MICAL3: variants seen among roughly 807,000 people sequenced by gnomAD.
The protein encoded by MICAL3 is microtubule associated monooxygenase, calponin and LIM domain containing 3.
In MICAL3, 62 loss-of-function variants were observed where a neutral mutation model predicts 207.4. The ratio of observed to expected loss-of-function variants is 0.30; its 90% CI spans 0.24 to 0.37. MICAL3 has a LOEUF of 0.37. MICAL3 is among the 10% of genes least tolerant of loss of function. The pLI is 1.00. For synonymous variants in MICAL3, 1,077 were observed against 1,069.3 expected (o/e 1.01, Z -0.14); for missense variants, 2,368 against 2,635.6 (o/e 0.90, Z 2.22).
At chr22:17,877,468 TGGAGGTTAG>T (rs1232074076) in intron 16 of MICAL3, among the ~76,000 whole-genome samples, 1 of 85,986 alleles carries the variant, frequency 1.2e-5, no homozygotes, top group Non-Finnish European at 2.3e-5. Flanking sequence ...AGGGAGATTA[TGGAGGTTAG>T]GGAGGTTATG....
rs935559613 is a variant in MICAL3, at chr22:17,903,991, C to T, written c.472+641G>A. Among the ~76,000 whole-genome samples, 5 of 152,254 alleles carry T rather than the reference C, an allele frequency of 3.3e-5. No homozygotes were observed. The East Asian group carries it at 9.6e-4, about 29-fold the overall frequency. The stretch of plus-strand genomic sequence containing the variant: ...AGTCAAACACCGCTGATTGCATTAA[C>T]TTGTATTCATACCCTGTAGGATCTC... On this transcript the variant is annotated intron_variant, in intron 3 of 31. Coordinates refer to ENST00000441493, the MANE Select transcript of MICAL3 (RefSeq NM_015241.3).
At chr22:17,980,419 T>C (rs942291199) in intron 1 of MICAL3, among the ~76,000 whole-genome samples, 14 of 152,174 alleles carry the variant, frequency 9.2e-5, no homozygotes, top group Non-Finnish European at 2.1e-4. Context: ...TTTGTTCAAA[T>C]CCGCCTGCTA....
At chr22:17,911,675 C>CA (rs1932153180) in intron 1 of MICAL3, among the ~76,000 whole-genome samples, 1 of 151,750 alleles carries the variant, frequency 6.6e-6, no homozygotes, top group East Asian at 1.9e-4. Context: ...TCTTCAAAAA[C>CA]AAAAAAATTA....
At position 17,872,307 on chromosome 22, in the gene MICAL3, C is replaced by T. The variant is rs535156818; in HGVS notation, c.2242-284G>A. 1.2e-4 allele frequency among the ~76,000 whole-genome samples: 18 copies of T among 152,280 alleles called. No homozygotes were observed. The South Asian group carries it at 3.7e-3, about 32-fold the overall frequency. ...GGAGCCAGCATCACAGTGCTTCACA[C>T]CAGACTTGAGTAATGCTATGATACA... is the stretch of plus-strand genomic sequence containing the variant. On this transcript the variant is annotated intron_variant, in intron 16 of 31. Transcript: ENST00000441493.
chr22:17,890,290 C>T (rs1351856831), intron 12 of MICAL3, among the ~76,000 whole-genome samples: 1 of 152,078 alleles, frequency 6.6e-6, no homozygotes, highest in East Asian at 1.9e-4. Flanking sequence ...CCGCGCTGTC[C>T]CTGTGCTGCT....
chr22:18,020,782 T>C (rs865861393), intron 1 of MICAL3, among the ~76,000 whole-genome samples: 18 of 151,440 alleles, frequency 1.2e-4, no homozygotes, highest in Non-Finnish European at 2.2e-4. Flanking sequence ...GGTATGGTGG[T>C]GGGCACCTGT....
intron 26 of MICAL3, 138 bp downstream of exon 26, chr22:17,817,173 T>G: frequency 9.1e-7 from 1 of 1,093,748 alleles, no homozygotes. Context: ...CATGGTTCAG[T>G]CCCTTCTCCA....
chr22:17,864,773 G>A, intron 19 of MICAL3, 126 bp downstream of exon 19: 2 of 1,613,940 alleles, frequency 1.2e-6, no homozygotes, highest in Non-Finnish European at 1.7e-6. Context: ...GAGTCCAGAG[G>A]GTTTTGGGCC....
intron 25 of MICAL3, among the ~76,000 whole-genome samples, chr22:17,820,521 AT>A (rs1569079650): frequency 6.6e-6 from 1 of 152,034 alleles, no homozygotes; most frequent in Admixed American, 6.6e-5. Context: ...CGCCCGGCTA[AT>A]TTTTTGTATT....
chr22:17,871,838 A>G lies in MICAL3; in HGVS notation c.2427T>C (p.Asp809=). ...GGCCGGAGGCGCAGGGTGTCTCACC[A>G]TCCTCGATGTCGTAGGCGTAGGCCG... The part of the protein sequence containing the change: ...RLSAYAYDIE[D]GKFYCKPHYC... Residue 809 remains aspartate (D), a splice_region_variant and synonymous_variant, in exon 17 of 32, where the codon GAT becomes GAC. Transcript: ENST00000441493. The G allele has an allele frequency of 1.2e-6, 2 of 1,602,398 alleles. No individual in the cohort carries two copies. The highest frequency in any genetic ancestry group is 1.7e-6 in the Non-Finnish European group (2 of 1,174,412).
At chr22:17,893,724 G>C (rs369279875) in intron 11 of MICAL3, 84 bp downstream of exon 11, 1 of 1,032,950 alleles carries the variant, frequency 9.7e-7, no homozygotes, top group Non-Finnish European at 1.5e-6. Flanking sequence ...CACTGCCTCG[G>C]ACCGCACCTT....
At position 17,819,105 on chromosome 22, in the gene MICAL3, C is replaced by A. The variant is rs1453480645; in HGVS notation, c.3556G>T (p.Ala1186Ser). ...TEGPQLPPVPAATQEKSPEER... is the reference protein window; with the variant it reads ...TEGPQLPPVPSATQEKSPEER... ...TCAGGTGATTTCTCCTGGGTGGCGGCAGGGACAGGTGGGAGTTGGGGCCCC... is the reference window on the plus strand; with the variant it reads ...TCAGGTGATTTCTCCTGGGTGGCGGAAGGGACAGGTGGGAGTTGGGGCCCC... The change falls in exon 26 of 32, where the codon GCC (alanine) becomes TCC (serine). Residue 1186 changes from alanine to serine, a missense_variant. Coordinates refer to ENST00000441493, the MANE Select transcript of MICAL3 (RefSeq NM_015241.3). 1 of 1,498,804 alleles carries A rather than the reference C, an allele frequency of 6.7e-7. No homozygotes were observed. Among genetic ancestry groups the A allele is most frequent in the Admixed American group, 2.2e-5 (1 of 45,920 alleles). The allele number at this position is 1,498,804 out of a possible 1,614,324, so 92.8% of individuals were successfully genotyped here. A position where few individuals can be genotyped will look rare whatever the true frequency, so the allele number is the denominator to read the frequency against.
At chr22:17,804,822 C>T (rs895676595) in intron 29 of MICAL3, among the ~76,000 whole-genome samples, 1 of 152,178 alleles carries the variant, frequency 6.6e-6, no homozygotes, top group Non-Finnish European at 1.5e-5. Flanking sequence ...ACACAGCAGA[C>T]ACAGTGGTAG....
intron 16 of MICAL3, 141 bp downstream of exon 16, chr22:17,885,737 T>A (rs1462331579): frequency 1.6e-5 from 13 of 838,220 alleles, no homozygotes; most frequent in Non-Finnish European, 2.3e-5. Context: ...TCTTCTTTGC[T>A]GCAGTCAGGC....
intron 1 of MICAL3, chr22:18,000,993 G>A (rs1782968243): frequency 6.6e-6 from 1 of 152,162 alleles, no homozygotes; most frequent in South Asian, 2.1e-4. Flanking sequence ...CCCAGAGCCG[G>A]GCTAAGCCCC....
intron 22 of MICAL3, 79 bp from the exon 23 acceptor site, chr22:17,823,139 A>G: frequency 1.0e-6 from 1 of 967,774 alleles, no homozygotes; most frequent in Non-Finnish European, 1.6e-6. Context: ...GGCGAGAGGT[A>G]CTGCCTTTCT....
At chr22:17,889,269 G>A (rs1282678119) in intron 12 of MICAL3, 39 bp from the exon 13 acceptor site, 2 of 1,483,224 alleles carry the variant, frequency 1.3e-6, no homozygotes, top group East Asian at 4.5e-5. Flanking sequence ...AAGATAGGTT[G>A]ACAGTCCTTA....
At chr22:17,933,263 C>T (rs1933357728) in intron 1 of MICAL3, among the ~76,000 whole-genome samples, 1 of 152,338 alleles carries the variant, frequency 6.6e-6, no homozygotes, top group African/African-American at 2.4e-5. Context: ...GAAATCACAA[C>T]AAACTGTCTC....
At chr22:17,820,875 A>AGTTTAT in intron 25 of MICAL3, among the ~76,000 whole-genome samples, 2 of 138,640 alleles carry the variant, frequency 1.4e-5, no homozygotes, top group Non-Finnish European at 3.2e-5. Flanking sequence ...AATTTTAATA[A>AGTTTAT]ATTTATATTT....
Sources: allele counts gnomAD v4.1 joint callset (sites outside exome capture counted in the v4.1 genomes callset), GRCh38; gene constraint gnomAD v4.1.1; transcripts MANE v1.5; gene names NCBI Gene and HGNC (gene_info 2026-07-23, HGNC 2026-07-21).